Variants in SORCS1 observed in about 807,000 individuals in gnomAD.
SORCS1 encodes the protein VPS10 domain-containing receptor SorCS1.
SORCS1 carries 60 observed loss-of-function variants against 146.1 expected under a neutral mutation model. The observed-to-expected ratio is 0.41, with a 90% confidence interval of 0.33 to 0.51. The LOEUF is 0.51. Among genes scored for constraint, SORCS1 ranks in the 20% least tolerant of loss-of-function variants. The pLI is 0.21. For missense variants in SORCS1, 1,352 were observed against 1,487.6 expected (o/e 0.91, Z 1.50); for synonymous variants, 637 against 584.0 (o/e 1.09, Z -1.31).
intron 5 of SORCS1, among the ~76,000 whole-genome samples, chr10:106,734,630 T>C (rs1351641230): frequency 1.3e-5 from 2 of 152,234 alleles, no homozygotes; most frequent in Admixed American, 6.5e-5. Context: ...TTTATCTGTA[T>C]ATGTAACTTT....
intron 18 of SORCS1, among the ~76,000 whole-genome samples, chr10:106,642,773 A>G (rs1302262650): frequency 6.6e-6 from 1 of 152,146 alleles, no homozygotes; most frequent in South Asian, 2.1e-4. Context: ...CAAAGGCATC[A>G]TTTTCCAAAG....
intron 1 of SORCS1, among the ~76,000 whole-genome samples, chr10:106,966,604 C>G (rs752954031): frequency 6.6e-6 from 1 of 152,196 alleles, no homozygotes; most frequent in South Asian, 2.1e-4. Flanking sequence ...GCAGACAGAG[C>G]TAGGGACATA....
intron 2 of SORCS1, among the ~76,000 whole-genome samples, chr10:106,902,019 G>GGGT (rs1951728382): frequency 6.6e-6 from 1 of 151,936 alleles, no homozygotes; most frequent in Admixed American, 6.6e-5. Flanking sequence ...ACTCTAGTTT[G>GGGT]GGTGACAGAG....
intron 1 of SORCS1, among the ~76,000 whole-genome samples, chr10:106,990,596 C>T (rs1956726998): frequency 6.6e-6 from 1 of 152,208 alleles, no homozygotes; most frequent in Admixed American, 6.5e-5. Context: ...AGAACGAATG[C>T]TGGTCCTTTT....
At chr10:106,699,772 A>AAT (rs1325098978) in intron 8 of SORCS1, among the ~76,000 whole-genome samples, 2 of 152,300 alleles carry the variant, frequency 1.3e-5, no homozygotes, top group African/African-American at 4.8e-5. Context: ...TATGAGGAAA[A>AAT]GCTGGAGGAA....
At chr10:106,866,600 C>T (rs1950228872) in intron 2 of SORCS1, among the ~76,000 whole-genome samples, 1 of 152,154 alleles carries the variant, frequency 6.6e-6, no homozygotes, top group Non-Finnish European at 1.5e-5. Flanking sequence ...GGGAGAAAAG[C>T]CCACACTTTC....
chr10:107,094,902 C>G (rs1033950122), intron 1 of SORCS1, among the ~76,000 whole-genome samples: 2 of 152,160 alleles, frequency 1.3e-5, no homozygotes, highest in Admixed American at 6.5e-5. Flanking sequence ...GTAATAGAAG[C>G]GTCATAGACA....
At chr10:107,061,798 C>G (rs1264961454) in intron 1 of SORCS1, among the ~76,000 whole-genome samples, 2 of 152,060 alleles carry the variant, frequency 1.3e-5, no homozygotes, top group African/African-American at 4.8e-5. Flanking sequence ...GTAGGGCACA[C>G]TAAACACATG....
At chr10:106,957,547 A>T (rs1181470853) in intron 1 of SORCS1, among the ~76,000 whole-genome samples, 1 of 152,074 alleles carries the variant, frequency 6.6e-6, no homozygotes, top group African/African-American at 2.4e-5. Context: ...TCTGACTTCC[A>T]ATTTCTAGGA....
intron 1 of SORCS1, among the ~76,000 whole-genome samples, chr10:107,004,476 G>C (rs923106157): frequency 6.6e-6 from 1 of 152,134 alleles, no homozygotes; most frequent in Non-Finnish European, 1.5e-5. Flanking sequence ...GGCAAGAGAG[G>C]TTGTGCAGGG....
intron 1 of SORCS1, among the ~76,000 whole-genome samples, chr10:107,020,124 C>A (rs1958068461): frequency 6.6e-6 from 1 of 152,176 alleles, no homozygotes; most frequent in Admixed American, 6.5e-5. Flanking sequence ...TCAAATTATC[C>A]AAGTCACTGT....
At chr10:106,690,185 C>A (rs1471543197) in intron 9 of SORCS1, among the ~76,000 whole-genome samples, 2 of 152,196 alleles carry the variant, frequency 1.3e-5, no homozygotes, top group African/African-American at 2.4e-5. Flanking sequence ...GGGCTTCCCA[C>A]CAGGGAATTC....
At chr10:106,634,567 A>T (rs1848623134) in intron 18 of SORCS1, among the ~76,000 whole-genome samples, 1 of 152,200 alleles carries the variant, frequency 6.6e-6, no homozygotes, top group Non-Finnish European at 1.5e-5. Context: ...AGTTTCTTTA[A>T]TTGAAATTAC....
intron 1 of SORCS1, among the ~76,000 whole-genome samples, chr10:107,011,194 T>C (rs1431726373): frequency 6.6e-6 from 1 of 152,236 alleles, no homozygotes; most frequent in African/African-American, 2.4e-5. Flanking sequence ...TAAAGCCCTC[T>C]TTCTTGGGTC....
rs1334995779 is a variant in SORCS1 at position 107,100,214 on chromosome 10, A to G, written c.558+63755T>C. ...ATGAGAGCACATTTTGTAAATCGTA[A>G]TAAGAAATAAGTAAATAGGCCGGGT... On this transcript the variant is annotated intron_variant, in intron 1 of 25. Coordinates refer to ENST00000263054, the MANE Select transcript of SORCS1 (RefSeq NM_052918.5). Among the ~76,000 whole-genome samples, 5 of 152,194 alleles carry G rather than the reference A, an allele frequency of 3.3e-5. No homozygotes were observed. The East Asian group carries it at 9.6e-4, about 29-fold the overall frequency.
intron 3 of SORCS1, among the ~76,000 whole-genome samples, chr10:106,798,238 G>T (rs562040751): frequency 1.2e-4 from 18 of 152,272 alleles, no homozygotes; most frequent in African/African-American, 4.3e-4. Flanking sequence ...GTCCTCCCCA[G>T]CCCCGTGCAA....
At chr10:106,923,399 C>T (rs976706466) in intron 2 of SORCS1, among the ~76,000 whole-genome samples, 60 of 152,270 alleles carry the variant, frequency 3.9e-4, no homozygotes, top group African/African-American at 1.4e-3. Flanking sequence ...CATCCACTTA[C>T]CAAAGGACAT....
chr10:106,686,429 A>C (rs1030481439), intron 10 of SORCS1, among the ~76,000 whole-genome samples: 2 of 152,158 alleles, frequency 1.3e-5, no homozygotes, highest in Non-Finnish European at 2.9e-5. Flanking sequence ...TATCTCTCAT[A>C]GGCATTTAAT....
chr10:107,159,853 A>C (rs1163994125), intron 1 of SORCS1, among the ~76,000 whole-genome samples: 1 of 152,176 alleles, frequency 6.6e-6, no homozygotes, highest in African/African-American at 2.4e-5. Flanking sequence ...CGAAAAAAAA[A>C]AACTGTATCA....
Sources: allele counts gnomAD v4.1 joint callset (sites outside exome capture counted in the v4.1 genomes callset), GRCh38; gene constraint gnomAD v4.1.1; transcripts MANE v1.5; gene names NCBI Gene and HGNC (gene_info 2026-07-23, HGNC 2026-07-21).